PCSK2: variants seen among roughly 807,000 people sequenced by gnomAD.
The protein encoded by PCSK2 is proprotein convertase subtilisin/kexin type 2.
A neutral mutation model predicts 69.7 loss-of-function variants in PCSK2; 14 were observed. The observed-to-expected ratio is 0.20, with a 90% CI of 0.13 to 0.31. The LOEUF (loss-of-function observed/expected upper bound fraction) is 0.31. Ranked by LOEUF, PCSK2 falls within the 10% of genes least tolerant of loss-of-function variation. The pLI is 1.00. For synonymous variants in PCSK2, 307 were observed against 320.7 expected (o/e 0.96, Z 0.46); for missense variants, 544 against 842.5 (o/e 0.65, Z 4.39).
At chr20:17,347,815 AG>A (rs1990693356) in intron 2 of PCSK2, among the ~76,000 whole-genome samples, 1 of 140,676 alleles carries the variant, frequency 7.1e-6, no homozygotes, top group African/African-American at 2.7e-5. Flanking sequence ...AAAGAAAGAA[AG>A]AAAGAAAGAA....
intron 6 of PCSK2, among the ~76,000 whole-genome samples, chr20:17,410,102 T>G (rs753898332): frequency 6.6e-6 from 1 of 152,200 alleles, no homozygotes; most frequent in Non-Finnish European, 1.5e-5. Context: ...TATAAAAATA[T>G]ATGATGTGCA....
intron 8 of PCSK2, among the ~76,000 whole-genome samples, chr20:17,448,680 A>T (rs958665272): frequency 5.3e-5 from 8 of 152,098 alleles, no homozygotes; most frequent in Non-Finnish European, 1.5e-5. Context: ...CATGGTTGTG[A>T]TCACCAAAAA....
At chr20:17,284,928 C>A (rs2123053507) in intron 2 of PCSK2, among the ~76,000 whole-genome samples, 1 of 152,290 alleles carries the variant, frequency 6.6e-6, no homozygotes, top group South Asian at 2.1e-4. Flanking sequence ...GGGTTTCAAA[C>A]TGGTTGGCAA....
intron 2 of PCSK2, among the ~76,000 whole-genome samples, chr20:17,321,676 C>T (rs571866360): frequency 2.6e-5 from 4 of 152,190 alleles, no homozygotes; most frequent in Non-Finnish European, 5.9e-5. Flanking sequence ...CCATAATTCA[C>T]TCTCAACTGC....
chr20:17,247,546 A>G (rs968956752), intron 1 of PCSK2, among the ~76,000 whole-genome samples: 3 of 152,222 alleles, frequency 2.0e-5, no homozygotes, highest in African/African-American at 7.2e-5. Context: ...GAAAACCAGC[A>G]CAGTGGACAA....
rs6044801 is a variant in PCSK2 at position 17,418,702 on chromosome 20, T to G, written c.620+9363T>G. Among the ~76,000 whole-genome samples the G allele has an allele frequency of 9.4e-3, 1,430 of 152,260 alleles. 9 individuals are homozygous for G. The highest frequency in any genetic ancestry group is 0.015 in the South Asian group (74 of 4,826). ...TTGTTGGCTGGCATAGGACCCAGCATGAGCCTCCCACCAGCTGTGCAGACA... is the reference window on the plus strand; with the variant it reads ...TTGTTGGCTGGCATAGGACCCAGCAGGAGCCTCCCACCAGCTGTGCAGACA... On this transcript the variant is annotated intron_variant, in intron 6 of 11. Transcript: ENST00000262545.
chr20:17,332,543 T>A (rs1990232453), intron 2 of PCSK2, among the ~76,000 whole-genome samples: 1 of 152,182 alleles, frequency 6.6e-6, no homozygotes, highest in African/African-American at 2.4e-5. Flanking sequence ...AGGGCAACAG[T>A]TCTCAAATTG....
intron 1 of PCSK2, among the ~76,000 whole-genome samples, chr20:17,248,909 C>G (rs1986868363): frequency 6.6e-6 from 1 of 152,120 alleles, no homozygotes; most frequent in Non-Finnish European, 1.5e-5. Flanking sequence ...TGGATTTACA[C>G]TCAGGAGAGC....
chr20:17,474,767 A>G (rs1467948148), intron 11 of PCSK2, among the ~76,000 whole-genome samples: 1 of 152,126 alleles, frequency 6.6e-6, no homozygotes. Context: ...CCTTAATGTC[A>G]AAGTGGTCGC....
intron 5 of PCSK2, among the ~76,000 whole-genome samples, chr20:17,375,392 C>G (rs1239772370): frequency 2.0e-5 from 3 of 152,024 alleles, no homozygotes; most frequent in Non-Finnish European, 4.4e-5. Flanking sequence ...AAACAACATC[C>G]AAGAAAAGAG....
chr20:17,262,622 G>A (rs1215018190), intron 2 of PCSK2, among the ~76,000 whole-genome samples: 2 of 152,158 alleles, frequency 1.3e-5, no homozygotes, highest in Non-Finnish European at 2.9e-5. Flanking sequence ...CATTGACTAT[G>A]AACAGTGCAA....
intron 2 of PCSK2, among the ~76,000 whole-genome samples, chr20:17,275,464 T>C (rs1008085450): frequency 3.3e-5 from 5 of 152,104 alleles, no homozygotes; most frequent in African/African-American, 1.2e-4. Flanking sequence ...GCTTATTACA[T>C]GGGGTTACTC....
chr20:17,297,226 TACAGAACAGTGCCAG>T (rs1475525918), intron 2 of PCSK2, among the ~76,000 whole-genome samples: 1 of 152,230 alleles, frequency 6.6e-6, no homozygotes, highest in Non-Finnish European at 1.5e-5. Context: ...CAGAGAGCGA[TACAGAACAGTGCCAG>T]ACAGAGACGT....
chr20:17,350,275 A>C (rs748111019), intron 2 of PCSK2, among the ~76,000 whole-genome samples: 5 of 151,236 alleles, frequency 3.3e-5, no homozygotes, highest in Admixed American at 2.6e-4. Flanking sequence ...TGGTAAATAA[A>C]ATAATTCTCA....
At chr20:17,377,122 A>G (rs976592735) in intron 5 of PCSK2, among the ~76,000 whole-genome samples, 2 of 152,250 alleles carry the variant, frequency 1.3e-5, no homozygotes, top group Non-Finnish European at 2.9e-5. Flanking sequence ...CCACAGGCAA[A>G]TAACTACAAG....
chr20:17,409,057 G>C (rs1182402194), intron 5 of PCSK2, among the ~76,000 whole-genome samples: 4 of 152,184 alleles, frequency 2.6e-5, no homozygotes, highest in African/African-American at 9.7e-5. Flanking sequence ...AGGATGAAAT[G>C]GGGAAGCCTG....
upstream of PCSK2, chr20:17,226,358 C>T (rs1985899571): frequency 6.6e-6 from 1 of 152,102 alleles, no homozygotes; most frequent in Non-Finnish European, 1.5e-5. Flanking sequence ...CACTCTCGCC[C>T]CCCATGGATC....
At chr20:17,339,655 T>G (rs1416694291) in intron 2 of PCSK2, among the ~76,000 whole-genome samples, 3 of 152,146 alleles carry the variant, frequency 2.0e-5, no homozygotes, top group Non-Finnish European at 2.9e-5. Context: ...CACTGAAGTG[T>G]TTTGCTTCGT....
At chr20:17,298,591 T>C (rs1988973313) in intron 2 of PCSK2, among the ~76,000 whole-genome samples, 1 of 152,228 alleles carries the variant, frequency 6.6e-6, no homozygotes, top group Non-Finnish European at 1.5e-5. Context: ...TAAGTTAATA[T>C]TACTCATTGT....
Sources: allele counts gnomAD v4.1 joint callset (sites outside exome capture counted in the v4.1 genomes callset), GRCh38; gene constraint gnomAD v4.1.1; transcripts MANE v1.5; gene names NCBI Gene and HGNC (gene_info 2026-07-23, HGNC 2026-07-21).